RAD52: variants seen among roughly 807,000 people sequenced by gnomAD.
RAD52 encodes the protein RAD52 DNA repair protein.
A neutral mutation model predicts 55.5 loss-of-function variants in RAD52; 47 were observed. That is an observed-to-expected ratio of 0.85 (90% confidence interval 0.67 to 1.08). The LOEUF is 1.08. Among genes scored for constraint, RAD52 ranks in the 50% least tolerant of loss-of-function variants. RAD52 has a pLI of 0.00. For synonymous variants in RAD52, 184 were observed against 198.9 expected (o/e 0.92, Z 0.63); for missense variants, 468 against 522.8 (o/e 0.90, Z 1.02).
intron 5 of RAD52, among the ~76,000 whole-genome samples, chr12:928,777 A>T (rs1957175597): frequency 6.6e-6 from 1 of 152,198 alleles, no homozygotes; most frequent in African/African-American, 2.4e-5. Flanking sequence ...TAATATAACT[A>T]AATCCAAAAG....
intron 1 of RAD52, among the ~76,000 whole-genome samples, chr12:938,281 ACAAT>A (rs1163693909): frequency 6.6e-6 from 1 of 152,216 alleles, no homozygotes; most frequent in African/African-American, 2.4e-5. Context: ...TCATCAGGAA[ACAAT>A]CAAACAAGTT....
At chr12:960,565 C>A (rs1958669404) in intron 1 of RAD52, among the ~76,000 whole-genome samples, 1 of 152,188 alleles carries the variant, frequency 6.6e-6, no homozygotes, top group Non-Finnish European at 1.5e-5. Context: ...TGGGCTCAAG[C>A]AATCCTCCTA....
chr12:914,623 G>T, intron 9 of RAD52, 91 bp from the exon 10 acceptor site: 1 of 1,497,758 alleles, frequency 6.7e-7, no homozygotes, highest in South Asian at 1.2e-5. Context: ...TTGTTAGAGG[G>T]AACACTCTCC....
chr12:959,126 C>A (rs564226020), intron 1 of RAD52, among the ~76,000 whole-genome samples: 2 of 152,052 alleles, frequency 1.3e-5, no homozygotes, highest in Non-Finnish European at 2.9e-5. Context: ...TTTACTCAAC[C>A]GAGTGCTGAG....
chr12:968,688 G>T (rs146696650), intron 1 of RAD52, among the ~76,000 whole-genome samples: 1 of 152,086 alleles, frequency 6.6e-6, no homozygotes, highest in Non-Finnish European at 1.5e-5. Context: ...GCTTTGAAAA[G>T]CTTCAACTCA....
At chr12:989,144 T>C (rs1306322233) in intron 1 of RAD52, among the ~76,000 whole-genome samples, 1 of 152,220 alleles carries the variant, frequency 6.6e-6, no homozygotes, top group African/African-American at 2.4e-5. Context: ...GGTTCTGCTC[T>C]TCCTTATATA....
At chr12:980,169 G>A (rs965781674) in intron 1 of RAD52, among the ~76,000 whole-genome samples, 5 of 151,758 alleles carry the variant, frequency 3.3e-5, no homozygotes, top group African/African-American at 4.8e-5. Context: ...CAGCCTGGGC[G>A]ACAGAGTGAG....
At chr12:958,770 C>T (rs1037090664) in intron 1 of RAD52, among the ~76,000 whole-genome samples, 2 of 152,072 alleles carry the variant, frequency 1.3e-5, no homozygotes, top group Non-Finnish European at 2.9e-5. Context: ...GTGCGTGTGG[C>T]GATTCAGAGG....
At chr12:934,326 G>A (rs1204076631) in intron 1 of RAD52, among the ~76,000 whole-genome samples, 1 of 151,758 alleles carries the variant, frequency 6.6e-6, no homozygotes. Context: ...AGCCGGGTGT[G>A]GTAGTGCGAG....
rs538651688 is a variant in RAD52 at position 949,377 on chromosome 12, T to C, written c.-19+225A>G. On this transcript the variant is annotated intron_variant, in intron 1 of 11. Transcript: ENST00000358495. Reference sequence around the variant, plus strand: ...GGGTCCCGGCGCGTTGGTGCCAAGTTTCCTGTACCCCGCCTTCCTACCCAC... The same window carrying C: ...GGGTCCCGGCGCGTTGGTGCCAAGTCTCCTGTACCCCGCCTTCCTACCCAC... 8 of 152,234 alleles carry C rather than the reference T, an allele frequency of 5.3e-5. No individual in the cohort carries two copies. In the South Asian group the frequency reaches 6.2e-4, roughly 12 times the overall value. 9.4% of individuals were successfully genotyped at this position (152,234 alleles called of 1,614,324 possible). A position where few individuals can be genotyped will look rare whatever the true frequency, so the allele number is the denominator to read the frequency against.
chr12:945,791 G>A (rs141908157), intron 1 of RAD52, among the ~76,000 whole-genome samples: 229 of 150,202 alleles, frequency 1.5e-3, no homozygotes, highest in African/African-American at 5.3e-3. Flanking sequence ...TTGGGAGGCC[G>A]AGGCAGGCAG....
At chr12:919,849 C>T (rs186423673) in intron 7 of RAD52, among the ~76,000 whole-genome samples, 1,268 of 116,786 alleles carry the variant, frequency 0.011, 345 homozygotes, top group African/African-American at 0.043. Flanking sequence ...GGTTAAGAGT[C>T]CAAGATCAGC....
chr12:949,070 C>A (rs759888383), intron 1 of RAD52, among the ~76,000 whole-genome samples: 1 of 151,892 alleles, frequency 6.6e-6, no homozygotes, highest in Non-Finnish European at 1.5e-5. Context: ...TTATTTTTTC[C>A]CCCGTGACAG....
chr12:927,431 T>G (rs1308618549), intron 5 of RAD52, among the ~76,000 whole-genome samples, 168 bp from the exon 6 acceptor site: 1 of 152,146 alleles, frequency 6.6e-6, no homozygotes, highest in African/African-American at 2.4e-5. Context: ...TGCTGCTTCC[T>G]AGACCTGGGC....
At chr12:982,422 G>A (rs771890674) in intron 1 of RAD52, among the ~76,000 whole-genome samples, 4 of 152,036 alleles carry the variant, frequency 2.6e-5, no homozygotes, top group Non-Finnish European at 4.4e-5. Flanking sequence ...AAAGAAGCTA[G>A]GCCATACCTT....
intron 1 of RAD52, among the ~76,000 whole-genome samples, chr12:944,770 C>CTTT (rs146021033): frequency 7.1e-6 from 1 of 140,216 alleles, no homozygotes; most frequent in Admixed American, 7.2e-5. Context: ...ATTTTTCTTT[C>CTTT]TTTTTTTTTT....
intron 6 of RAD52, among the ~76,000 whole-genome samples, chr12:925,979 A>G (rs1957012464): frequency 6.6e-6 from 1 of 152,132 alleles, no homozygotes; most frequent in South Asian, 2.1e-4. Context: ...CACAGAACTC[A>G]TAGGTTTTTC....
intron 6 of RAD52, 114 bp downstream of exon 6, chr12:927,031 C>A: frequency 6.6e-7 from 1 of 1,523,486 alleles, no homozygotes; most frequent in South Asian, 1.1e-5. Flanking sequence ...TTACCTTCCA[C>A]GCTGCTTGGA....
At chr12:928,493 G>T (rs1454238078) in intron 5 of RAD52, among the ~76,000 whole-genome samples, 1 of 151,268 alleles carries the variant, frequency 6.6e-6, no homozygotes, top group African/African-American at 2.4e-5. Flanking sequence ...CTCCAGCCTG[G>T]GCAACAAGAG....
Sources: allele counts gnomAD v4.1 joint callset (sites outside exome capture counted in the v4.1 genomes callset), GRCh38; gene constraint gnomAD v4.1.1; transcripts MANE v1.5; gene names NCBI Gene and HGNC (gene_info 2026-07-23, HGNC 2026-07-21).